USH2A: variants seen among roughly 807,000 people sequenced by gnomAD.
The protein encoded by USH2A is Usher syndrome 2A (autosomal recessive, mild).
In USH2A, 443 loss-of-function variants were observed where a neutral mutation model predicts 538.9. The ratio of observed to expected loss-of-function variants is 0.82; its 90% CI spans 0.76 to 0.89. The LOEUF is 0.89. USH2A is among the 40% of genes least tolerant of loss of function. The pLI is 0.00. For missense variants in USH2A, 6,633 were observed against 6,324.8 expected, an observed-to-expected ratio of 1.05 and a Z score of -1.65; for synonymous variants, 2,413 against 2,273.5, an observed-to-expected ratio of 1.06 and a Z score of -1.75.
intron 20 of USH2A, among the ~76,000 whole-genome samples, chr1:216,175,893 C>G (rs114353757): frequency 6.6e-6 from 1 of 152,096 alleles, no homozygotes. Flanking sequence ...CCCCCTTCTG[C>G]GTAGAACTTC....
intron 11 of USH2A, among the ~76,000 whole-genome samples, chr1:216,269,397 G>T (rs1167664015): frequency 6.6e-6 from 1 of 152,048 alleles, no homozygotes; most frequent in Non-Finnish European, 1.5e-5. Context: ...GGCCTCCCCA[G>T]CCATGTGGAA....
At chr1:215,724,670 A>G (rs1051382987) in intron 61 of USH2A, among the ~76,000 whole-genome samples, 3 of 152,224 alleles carry the variant, frequency 2.0e-5, no homozygotes, top group African/African-American at 7.2e-5. Flanking sequence ...ACGCAGCTGC[A>G]AGAAGCTTAA....
chr1:216,225,163 T>C (rs1347328397), intron 14 of USH2A, among the ~76,000 whole-genome samples: 1 of 152,176 alleles, frequency 6.6e-6, no homozygotes, highest in Non-Finnish European at 1.5e-5. Context: ...CCATATATCT[T>C]AGTCAATTGT....
At chr1:215,775,872 T>C (rs1271136892) in intron 55 of USH2A, among the ~76,000 whole-genome samples, 1 of 152,248 alleles carries the variant, frequency 6.6e-6, no homozygotes, top group African/African-American at 2.4e-5. Context: ...ATTCTTTCCT[T>C]GCTAATTTAA....
intron 50 of USH2A, among the ~76,000 whole-genome samples, chr1:215,793,233 G>C (rs778032513): frequency 1.3e-4 from 20 of 151,820 alleles, no homozygotes; most frequent in Non-Finnish European, 2.4e-4. Flanking sequence ...TTTTAAAGAA[G>C]ACCAAGAATT....
At chr1:216,266,656 G>A (rs1001106363) in intron 11 of USH2A, among the ~76,000 whole-genome samples, 1 of 152,058 alleles carries the variant, frequency 6.6e-6, no homozygotes, top group African/African-American at 2.4e-5. Flanking sequence ...AAAAGCTCTA[G>A]GCTGATAGCA....
chr1:215,676,194 C>T (rs1658019255), intron 62 of USH2A, among the ~76,000 whole-genome samples: 1 of 151,952 alleles, frequency 6.6e-6, no homozygotes, highest in East Asian at 1.9e-4. Flanking sequence ...TACATATATA[C>T]ATGTATATAA....
At chr1:215,708,147 T>C (rs1471682922) in intron 61 of USH2A, among the ~76,000 whole-genome samples, 6 of 152,158 alleles carry the variant, frequency 3.9e-5, no homozygotes, top group African/African-American at 1.4e-4. Flanking sequence ...TTTGCAAAAG[T>C]TGTATTTTTT....
chr1:216,033,649 A>C (rs577147794), intron 32 of USH2A, among the ~76,000 whole-genome samples: 1 of 151,922 alleles, frequency 6.6e-6, no homozygotes, highest in Admixed American at 6.6e-5. Flanking sequence ...TCAGGAGTTC[A>C]AGACCAGCCT....
chr1:215,637,324 C>A (rs531676372), intron 69 of USH2A, among the ~76,000 whole-genome samples: 1 of 152,154 alleles, frequency 6.6e-6, no homozygotes, highest in Non-Finnish European at 1.5e-5. Context: ...TTCTGAGCCT[C>A]CTTGAGTCTG....
rs192153589 is a variant in USH2A at position 216,266,381 on chromosome 1, T to C, written c.1972-15283A>G. Among the ~76,000 whole-genome samples the C allele has an allele frequency of 9.5e-4, 144 of 152,204 alleles. 1 individual carries two copies. The highest frequency in any genetic ancestry group is 1.8e-3 in the Non-Finnish European group (119 of 67,974). On this transcript the variant is annotated intron_variant, in intron 11 of 71. Transcript: ENST00000307340. ...ATATCACTGCAGTATTCTGCAACAT[T>C]ATAGTAAACTAAAAAGCTAAGAATG... is the stretch of plus-strand genomic sequence containing the variant.
intron 32 of USH2A, among the ~76,000 whole-genome samples, chr1:216,038,244 A>T (rs151061645): frequency 2.0e-5 from 3 of 151,978 alleles, no homozygotes; most frequent in Admixed American, 2.0e-4. Context: ...GTAAAACATC[A>T]ATGATTTCAC....
intron 3 of USH2A, among the ~76,000 whole-genome samples, chr1:216,375,069 G>T (rs1253774229): frequency 6.6e-6 from 1 of 152,078 alleles, no homozygotes; most frequent in Non-Finnish European, 1.5e-5. Context: ...TAGATAGATA[G>T]ATTAGATAGA....
At chr1:215,681,102 A>C (rs1423798876) in intron 61 of USH2A, among the ~76,000 whole-genome samples, 1 of 152,180 alleles carries the variant, frequency 6.6e-6, no homozygotes, top group Non-Finnish European at 1.5e-5. Context: ...TTTAAAAGAA[A>C]AGAAAAAAAG....
At position 215,949,671 on chromosome 1, in the gene USH2A, A is replaced by T. The variant is rs117795167; in HGVS notation, c.7121-14876T>A. 2.6e-4 allele frequency among the ~76,000 whole-genome samples: 40 copies of T among 152,258 alleles called. No individual in the cohort carries two copies. The East Asian group carries it at 7.1e-3, about 27-fold the overall frequency. ...GATAAATTTAGCAAAATAAAGCAACATATGTTTCAACTGTAGACGGAGAAA... is the reference window on the plus strand; with the variant it reads ...GATAAATTTAGCAAAATAAAGCAACTTATGTTTCAACTGTAGACGGAGAAA... On this transcript the variant is annotated intron_variant, in intron 37 of 71. Transcript: ENST00000307340.
intron 37 of USH2A, among the ~76,000 whole-genome samples, chr1:215,962,919 T>A (rs1667238182): frequency 6.6e-6 from 1 of 151,986 alleles, no homozygotes; most frequent in South Asian, 2.1e-4. Flanking sequence ...AGGATACGAG[T>A]TGACATGAAG....
At chr1:216,079,503 C>T (rs1470226841) in intron 26 of USH2A, among the ~76,000 whole-genome samples, 1 of 152,106 alleles carries the variant, frequency 6.6e-6, no homozygotes, top group Admixed American at 6.6e-5. Flanking sequence ...GACATGAGGA[C>T]ATCAGGTTCA....
rs544827944 is a variant in USH2A, at chr1:215,756,663, T to A, written c.11389+1932A>T. ...AATCGTGGCCAGGTGCAGTGGCTCA[T>A]GCCCGTAATCCCAGCACTTTGGGAG... On this transcript the variant is annotated intron_variant, in intron 58 of 71. Coordinates refer to ENST00000307340, the MANE Select transcript of USH2A (RefSeq NM_206933.4). 1.3e-3 allele frequency among the ~76,000 whole-genome samples: 204 copies of A among 152,266 alleles called. 1 individual carries two copies. Among genetic ancestry groups the A allele is most frequent in the African/African-American group, 4.7e-3 (195 of 41,572 alleles).
chr1:215,668,828 C>G (rs1016405085), intron 64 of USH2A, among the ~76,000 whole-genome samples: 2 of 152,130 alleles, frequency 1.3e-5, no homozygotes, highest in Non-Finnish European at 2.9e-5. Context: ...GTCAGGGGTT[C>G]AACATCAGCC....
Sources: gnomAD v4.1 joint callset for allele counts (sites outside exome capture counted in the v4.1 genomes callset) on GRCh38, gnomAD v4.1.1 for gene constraint, MANE v1.5 for transcripts, NCBI Gene and HGNC (gene_info 2026-07-23, HGNC 2026-07-21) for gene names.